RARB: variants seen among roughly 807,000 people sequenced by gnomAD.
RARB encodes HBV-activated protein.
In RARB, 17 loss-of-function variants were observed where a neutral mutation model predicts 51.9. That is an observed-to-expected ratio of 0.33 (90% CI 0.22 to 0.49). The LOEUF is 0.49. Ranked by LOEUF, RARB falls within the 20% of genes least tolerant of loss-of-function variation. The pLI is 0.99. For missense variants in RARB, 369 were observed against 550.8 expected (o/e 0.67, Z 3.30); for synonymous variants, 215 against 195.4 (o/e 1.10, Z -0.84).
intron 1 of RARB, among the ~76,000 whole-genome samples, chr3:25,431,311 A>G (rs1007362980): frequency 1.3e-5 from 2 of 152,230 alleles, no homozygotes; most frequent in Admixed American, 6.5e-5. Context: ...ACCTTTGAAC[A>G]TGGAGCACAC....
intron 2 of RARB, among the ~76,000 whole-genome samples, chr3:25,485,688 AT>A (rs564143621): frequency 3.9e-5 from 6 of 152,062 alleles, no homozygotes; most frequent in Admixed American, 3.3e-4. Context: ...GTTAAATGTA[AT>A]TTTTTTTAAT....
chr3:25,334,038 G>A (rs1383021182), intron 5 of RARB, among the ~76,000 whole-genome samples: 1 of 152,220 alleles, frequency 6.6e-6, no homozygotes, highest in Non-Finnish European at 1.5e-5. Context: ...ACAGGTGCTG[G>A]AGAGGATGTG....
intron 1 of RARB, among the ~76,000 whole-genome samples, chr3:24,840,173 A>G (rs575920553): frequency 1.6e-4 from 24 of 152,324 alleles, no homozygotes; most frequent in African/African-American, 5.5e-4. Flanking sequence ...GCACTTAAGT[A>G]TTACTGCTAT....
intron 4 of RARB, among the ~76,000 whole-genome samples, chr3:25,574,600 C>T (rs1168411021): frequency 1.3e-5 from 2 of 152,202 alleles, no homozygotes; most frequent in Admixed American, 6.5e-5. Context: ...CTGCCGTGTG[C>T]GGGCCGCTCA....
chr3:24,834,584 T>C (rs558493785), intron 1 of RARB, among the ~76,000 whole-genome samples: 5 of 152,324 alleles, frequency 3.3e-5, no homozygotes, highest in South Asian at 4.1e-4. Context: ...CTTCACTTTG[T>C]ATGTGGTACA....
At chr3:25,348,168 C>A (rs1404408060) in intron 5 of RARB, among the ~76,000 whole-genome samples, 2 of 152,098 alleles carry the variant, frequency 1.3e-5, no homozygotes, top group Admixed American at 1.3e-4. Flanking sequence ...TAAATCTTGG[C>A]CTTACATTTT....
chr3:24,932,666 A>T (rs1479571468), intron 2 of RARB, among the ~76,000 whole-genome samples: 2 of 152,118 alleles, frequency 1.3e-5, no homozygotes, highest in Admixed American at 1.3e-4. Context: ...TTTAGAAAAA[A>T]CTGAGGGCCA....
In RARB at chr3:25,428,749, T is replaced by C. The variant is rs745416080; in HGVS notation, c.18T>C (p.Asp6=). MFDCM[D]VLSVSPGQIL... is the part of the protein sequence containing the mutation. ...GGGAGATCATGTTTGACTGTATGGA[T>C]GTTCTGTCAGTGAGTCCTGGGCAAA... is the stretch of plus-strand genomic sequence containing the variant. Residue 6 remains aspartate (D), a synonymous_variant, in exon 1 of 8, where the codon GAT becomes GAC. Coordinates refer to ENST00000330688, the MANE Select transcript of RARB (RefSeq NM_000965.5). 1.2e-6 allele frequency: 2 copies of C among 1,614,084 alleles called. No homozygotes were observed. The highest frequency in any genetic ancestry group is 1.7e-4 in the Middle Eastern group (1 of 6,060).
chr3:25,379,121 A>G (rs1706551850), intron 5 of RARB, among the ~76,000 whole-genome samples: 1 of 152,138 alleles, frequency 6.6e-6, no homozygotes, highest in African/African-American at 2.4e-5. Context: ...CTACCACTTA[A>G]TGGTCTGTTT....
chr3:24,934,621 T>C (rs547371953), intron 2 of RARB, among the ~76,000 whole-genome samples: 9 of 152,270 alleles, frequency 5.9e-5, no homozygotes, highest in African/African-American at 2.2e-4. Flanking sequence ...ATACTGTAGC[T>C]ACATTTAGTA....
intron 5 of RARB, among the ~76,000 whole-genome samples, chr3:25,364,949 C>T (rs1306670702): frequency 6.6e-6 from 1 of 152,038 alleles, no homozygotes; most frequent in Non-Finnish European, 1.5e-5. Context: ...TGACATATCT[C>T]AGTTGTATCA....
chr3:24,904,840 T>G (rs1694819545), intron 2 of RARB, among the ~76,000 whole-genome samples: 1 of 152,108 alleles, frequency 6.6e-6, no homozygotes, highest in African/African-American at 2.4e-5. Context: ...CCATAAAAAA[T>G]GATGAGTTCA....
intron 5 of RARB, among the ~76,000 whole-genome samples, chr3:25,586,345 C>A (rs1467433571): frequency 3.3e-5 from 5 of 152,128 alleles, no homozygotes; most frequent in Admixed American, 6.5e-5. Context: ...CCAAAAGCTT[C>A]TCCCCCAGTC....
chr3:25,111,265 A>G (rs1699596283), intron 3 of RARB, among the ~76,000 whole-genome samples: 1 of 152,208 alleles, frequency 6.6e-6, no homozygotes, highest in African/African-American at 2.4e-5. Flanking sequence ...TGCTTCAATC[A>G]TATTTGAGAG....
At chr3:25,364,426 C>T (rs1409059623) in intron 5 of RARB, among the ~76,000 whole-genome samples, 1 of 152,210 alleles carries the variant, frequency 6.6e-6, no homozygotes, top group Non-Finnish European at 1.5e-5. Flanking sequence ...TAATGCACAT[C>T]TGCAAATTTA....
intron 3 of RARB, among the ~76,000 whole-genome samples, chr3:25,512,978 T>C (rs879657350): frequency 6.6e-6 from 1 of 152,068 alleles, no homozygotes; most frequent in Non-Finnish European, 1.5e-5. Context: ...TTAATAGATA[T>C]TTCTGGAATG....
At chr3:25,178,824 A>C (rs900723209) in intron 5 of RARB, among the ~76,000 whole-genome samples, 3 of 152,184 alleles carry the variant, frequency 2.0e-5, no homozygotes, top group Non-Finnish European at 4.4e-5. Flanking sequence ...GGAACACTCA[A>C]AATATTATGT....
intron 2 of RARB, among the ~76,000 whole-genome samples, chr3:24,888,800 T>C (rs1439422517): frequency 6.6e-6 from 1 of 152,194 alleles, no homozygotes; most frequent in African/African-American, 2.4e-5. Context: ...ATATTCTTGT[T>C]GTAGAATATG....
chr3:25,439,714 G>A (rs1028628031), intron 1 of RARB, among the ~76,000 whole-genome samples: 1 of 152,126 alleles, frequency 6.6e-6, no homozygotes, highest in African/African-American at 2.4e-5. Flanking sequence ...TGTCTTAAAT[G>A]GAATGTATTC....
Sources: allele counts gnomAD v4.1 joint callset (sites outside exome capture counted in the v4.1 genomes callset), GRCh38; gene constraint gnomAD v4.1.1; transcripts MANE v1.5; gene names NCBI Gene and HGNC (gene_info 2026-07-23, HGNC 2026-07-21).